LHFPL4: variants seen among roughly 807,000 people sequenced by gnomAD.
LHFPL4 encodes the protein LHFPL tetraspan subfamily member 4, also known as LHFPL tetraspan subfamily member 4 protein.
Under a neutral mutation model 20.0 loss-of-function variants are expected in LHFPL4, and 6 were observed. The observed-to-expected ratio is 0.30, with a 90% CI of 0.16 to 0.59. LHFPL4 has a LOEUF of 0.59. Ranked by LOEUF, LHFPL4 falls within the 20% of genes least tolerant of loss-of-function variation. The pLI, the probability that LHFPL4 is intolerant of heterozygous loss-of-function variation, is 0.88. For missense variants in LHFPL4, 215 were observed against 331.2 expected (o/e 0.65, Z 2.72); for synonymous variants, 129 against 143.8 (o/e 0.90, Z 0.74).
chr3:9,552,147 G>A, intron 2 of LHFPL4, 127 bp downstream of exon 2: 1 of 1,274,640 alleles, frequency 7.8e-7, no homozygotes, highest in Admixed American at 2.7e-5. Flanking sequence ...GGGTCCGTCA[G>A]CCAAAGAGGT....
chr3:9,542,570 A>T (rs1334787960), intron 2 of LHFPL4, among the ~76,000 whole-genome samples: 4 of 151,974 alleles, frequency 2.6e-5, no homozygotes, highest in Non-Finnish European at 5.9e-5. Context: ...ACTTTGGGAG[A>T]TCGAGGTGGA....
intron 2 of LHFPL4, among the ~76,000 whole-genome samples, chr3:9,546,549 G>A (rs1432743024): frequency 6.6e-6 from 1 of 152,098 alleles, no homozygotes; most frequent in Non-Finnish European, 1.5e-5. Flanking sequence ...CCCTTCCATG[G>A]AATGAGGATA....
rs200461533 is a variant in LHFPL4, at chr3:9,552,237, C to T, written c.406+37G>A. ...TGGCAGGAAGGAGCCCCGTCCCTGG[C>T]GCTTGTTCTGGGAGTTCCGTCCACC... On this transcript the variant is annotated intron_variant, in intron 2 of 3. Transcript: ENST00000287585. 1.1e-3 allele frequency: 1,683 copies of T among 1,552,334 alleles called. 26 individuals are homozygous for T. The South Asian group carries it at 0.016, about 15-fold the overall frequency.
At chr3:9,504,885 GCTTA>G (rs2046206273) in intron 3 of LHFPL4, among the ~76,000 whole-genome samples, 1 of 149,674 alleles carries the variant, frequency 6.7e-6, no homozygotes, top group South Asian at 2.1e-4. Flanking sequence ...GCTTAGTTTT[GCTTA>G]CTTTCGAGCT....
At chr3:9,503,466 C>T (rs529276919) in intron 3 of LHFPL4, among the ~76,000 whole-genome samples, 67 of 152,250 alleles carry the variant, frequency 4.4e-4, no homozygotes, top group African/African-American at 1.4e-3. Context: ...GTATTTAGAA[C>T]CTGCCTCTGA....
Position 9,505,862 on chromosome 3 carries a change from G to A in LHFPL4, c.643+105C>T, listed in dbSNP as rs1014862634. 5.3e-6 allele frequency: 6 copies of A among 1,128,408 alleles called. No individual in the cohort carries two copies. In the Admixed American group the frequency reaches 7.4e-5, roughly 14 times the overall value. The allele number at this position is 1,128,408 out of a possible 1,614,324, so 69.9% of individuals were successfully genotyped here. ...GCGTGAGCCACCACGCCCAGCCAGG[G>A]TTTCCAATTCATGCAACCCTCTTAC... On this transcript the variant is annotated intron_variant, in intron 3 of 3. Transcript: ENST00000287585.
chr3:9,540,869 C>T (rs910413355), intron 2 of LHFPL4, among the ~76,000 whole-genome samples: 9 of 150,566 alleles, frequency 6.0e-5, no homozygotes, highest in Middle Eastern at 3.4e-3. Flanking sequence ...CCAGCCTGGG[C>T]GACAGAGTGG....
chr3:9,545,167 G>C (rs1190553963), intron 2 of LHFPL4, among the ~76,000 whole-genome samples: 2 of 151,902 alleles, frequency 1.3e-5, no homozygotes. Context: ...GAGAACAGAA[G>C]AGAGGAAAGA....
chr3:9,516,488 T>G (rs2046302880), intron 2 of LHFPL4, among the ~76,000 whole-genome samples: 1 of 151,984 alleles, frequency 6.6e-6, no homozygotes, highest in Non-Finnish European at 1.5e-5. Context: ...TTTTTTCTCT[T>G]GAGACGTTGG....
intron 2 of LHFPL4, among the ~76,000 whole-genome samples, chr3:9,508,098 C>T (rs2046231247): frequency 6.6e-6 from 1 of 152,164 alleles, no homozygotes; most frequent in Non-Finnish European, 1.5e-5. Flanking sequence ...CACTGTCCAC[C>T]TGGCCCATCT....
intron 2 of LHFPL4, among the ~76,000 whole-genome samples, chr3:9,542,012 G>C (rs192584293): frequency 6.6e-6 from 1 of 151,936 alleles, no homozygotes; most frequent in Non-Finnish European, 1.5e-5. Flanking sequence ...AAGGCCAGGC[G>C]TGGTGACTCA....
intron 2 of LHFPL4, among the ~76,000 whole-genome samples, chr3:9,549,906 A>AT (rs2046542139): frequency 6.6e-6 from 1 of 151,930 alleles, no homozygotes; most frequent in South Asian, 2.1e-4. Context: ...ATTTTATGTT[A>AT]TTTTTTGCAG....
Position 9,517,810 on chromosome 3 carries a change from T to G in LHFPL4, c.407-11607A>C, listed in dbSNP as rs1339640972. ...GAGGTTGGGTTTTTTTGTTTTTTGT[T>G]TTTTTTTTTTTGCTTGATTCTCTGG... On this transcript the variant is annotated intron_variant, in intron 2 of 3. Transcript: ENST00000287585. 1.0e-3 allele frequency among the ~76,000 whole-genome samples: 110 copies of G among 106,428 alleles called. 1 individual carries two copies. Among genetic ancestry groups the G allele is most frequent in the African/African-American group, 3.3e-3 (105 of 32,100 alleles). The allele number at this position is 106,428 out of a possible 152,430, so 69.8% of individuals were successfully genotyped here.
intron 2 of LHFPL4, among the ~76,000 whole-genome samples, chr3:9,535,072 C>T (rs1046207847): frequency 2.0e-5 from 3 of 152,120 alleles, no homozygotes; most frequent in Non-Finnish European, 4.4e-5. Flanking sequence ...ATAGCTCTTT[C>T]ATACCACAGA....
intron 2 of LHFPL4, among the ~76,000 whole-genome samples, chr3:9,517,706 ATC>A: frequency 6.9e-6 from 1 of 144,452 alleles, no homozygotes; most frequent in East Asian, 2.0e-4. Flanking sequence ...AAAAAAAAAA[ATC>A]CACTTGTTCA....
At chr3:9,503,558 G>A (rs1427154270) in intron 3 of LHFPL4, among the ~76,000 whole-genome samples, 2 of 152,190 alleles carry the variant, frequency 1.3e-5, no homozygotes, top group Non-Finnish European at 2.9e-5. Flanking sequence ...TGAGACAGGG[G>A]GGAAGAGCTT....
chr3:9,549,777 T>C (rs2125668796), intron 2 of LHFPL4, among the ~76,000 whole-genome samples: 1 of 152,360 alleles, frequency 6.6e-6, no homozygotes, highest in African/African-American at 2.4e-5. Flanking sequence ...CAGAGCCCTT[T>C]GATTCTCCAC....
intron 2 of LHFPL4, among the ~76,000 whole-genome samples, chr3:9,514,825 C>T (rs1160239280): frequency 6.6e-6 from 1 of 152,208 alleles, no homozygotes; most frequent in Non-Finnish European, 1.5e-5. Flanking sequence ...CTCCTCATGG[C>T]TTCATAGTTC....
In LHFPL4 at chr3:9,500,482, T is replaced by G. The variant is rs1309296560; in HGVS notation, c.*1729A>C. On this transcript the variant is annotated 3_prime_UTR_variant, in exon 4 of 4. Transcript: ENST00000287585. ...TAAGTTCCAGGTGGCAGGAACCCAC[T>G]AGGTCCCAACATCTGATTCCGGCTA... 6.6e-6 allele frequency: 1 copy of G among 152,304 alleles called. No homozygotes were observed. The highest frequency in any genetic ancestry group is 2.4e-5 in the African/African-American group (1 of 41,432). 9.4% of individuals were successfully genotyped at this position (152,304 alleles called of 1,614,324 possible).
Sources: gnomAD v4.1 joint callset for allele counts (sites outside exome capture counted in the v4.1 genomes callset) on GRCh38, gnomAD v4.1.1 for gene constraint, MANE v1.5 for transcripts, NCBI Gene and HGNC (gene_info 2026-07-23, HGNC 2026-07-21) for gene names.